FABP7: variants seen among roughly 807,000 people sequenced by gnomAD.
FABP7 encodes fatty acid binding protein 7.
A neutral mutation model predicts 14.2 loss-of-function variants in FABP7; 13 were observed. The observed-to-expected ratio is 0.91, with a 90% CI of 0.59 to 1.45. The LOEUF is 1.45. Among genes scored for constraint, FABP7 ranks in the 40% most tolerant of loss-of-function variants. The pLI, the probability that FABP7 is intolerant of heterozygous loss-of-function variation, is 0.00. For synonymous variants in FABP7, 49 were observed against 51.4 expected (o/e 0.95, Z 0.20); for missense variants, 149 against 157.6 (o/e 0.95, Z 0.29).
chr6:122,758,428 C>A, the FABP7 span, among the ~76,000 whole-genome samples: 5 of 152,166 alleles, frequency 3.3e-5, no homozygotes, highest in Non-Finnish European at 5.9e-5. Context: ...TGTAAAACAA[C>A]TGAGGATATA....
chr6:122,753,867 G>T, the FABP7 span, among the ~76,000 whole-genome samples: 3 of 142,284 alleles, frequency 2.1e-5, no homozygotes, highest in Admixed American at 1.6e-4. Flanking sequence ...CAATCAGTCT[G>T]ATTGGTTGCA....
At chr6:122,778,587 C>T (rs1488736633), upstream of FABP7, among the ~76,000 whole-genome samples, 1 of 152,194 alleles carries the variant, frequency 6.6e-6, no homozygotes, top group African/African-American at 2.4e-5. Flanking sequence ...AAGCTGCTTT[C>T]ATTGCTGGTC....
the FABP7 span, among the ~76,000 whole-genome samples, chr6:122,768,786 A>G: frequency 1.1e-3 from 174 of 152,268 alleles, no homozygotes; most frequent in African/African-American, 4.2e-3. Flanking sequence ...GTATTATATT[A>G]GAAAATACTT....
Position 122,779,780 on chromosome 6 carries a change from G to A in FABP7, c.-15G>A, listed in dbSNP as rs372854485. Reference sequence around the variant, plus strand: ...AGATCCCCGCTCCTGTCTCTAAAGAGGGGAAAGGGCAAGGATGGTGGAGGC... The same window carrying A: ...AGATCCCCGCTCCTGTCTCTAAAGAAGGGAAAGGGCAAGGATGGTGGAGGC... On this transcript the variant is annotated 5_prime_UTR_variant, in exon 1 of 4. Coordinates refer to ENST00000368444, the MANE Select transcript of FABP7 (RefSeq NM_001446.5). The A allele has an allele frequency of 1.9e-6, 3 of 1,613,946 alleles. No individual in the cohort carries two copies. The South Asian group carries it at 3.3e-5, about 18-fold the overall frequency.
At position 122,780,344 on chromosome 6, in the gene FABP7, A is replaced by T. The variant is rs1372084043; in HGVS notation, c.127A>T (p.Ile43Phe). The change falls in exon 2 of 4, where the codon ATC (isoleucine) becomes TTC (phenylalanine). Residue 43 changes from isoleucine to phenylalanine, a missense_variant. Transcript: ENST00000368444. The part of the protein sequence containing the change: ...VGNVTKPTVI[I>F]SQEGDKVVIR... ...AAATGTGACCAAACCAACGGTAATT[A>T]TCAGTCAAGAAGGAGACAAAGTGGT... is the stretch of plus-strand genomic sequence containing the variant. The T allele has an allele frequency of 1.2e-6, 2 of 1,614,158 alleles. No homozygotes were observed. Among genetic ancestry groups the T allele is most frequent in the South Asian group, 1.1e-5 (1 of 91,064 alleles).
At chr6:122,761,878 T>G in the FABP7 span, among the ~76,000 whole-genome samples, 1 of 152,170 alleles carries the variant, frequency 6.6e-6, no homozygotes, top group South Asian at 2.1e-4. Context: ...AAGAAGATGT[T>G]CAAATTGAGG....
the FABP7 span, among the ~76,000 whole-genome samples, chr6:122,757,493 T>G: frequency 5.9e-5 from 9 of 152,148 alleles, 1 homozygote; most frequent in East Asian, 1.7e-3. Flanking sequence ...AGATATTAGA[T>G]GCAATGTCGT....
the FABP7 span, among the ~76,000 whole-genome samples, chr6:122,756,035 T>A: frequency 6.6e-6 from 1 of 152,180 alleles, no homozygotes; most frequent in Admixed American, 6.5e-5. Context: ...GTAATTAACA[T>A]GGCCGCCCCT....
the FABP7 span, among the ~76,000 whole-genome samples, chr6:122,766,195 T>C: frequency 6.6e-6 from 1 of 152,150 alleles, no homozygotes; most frequent in South Asian, 2.1e-4. Flanking sequence ...ATTGCCTACT[T>C]CCCTGAGGCT....
At chr6:122,750,267 C>T in the FABP7 span, among the ~76,000 whole-genome samples, 1 of 151,962 alleles carries the variant, frequency 6.6e-6, no homozygotes, top group Non-Finnish European at 1.5e-5. Flanking sequence ...AGTATTCAAG[C>T]TTTGCATGCA....
chr6:122,775,037 G>A (rs1376113319), upstream of FABP7, among the ~76,000 whole-genome samples: 2 of 152,006 alleles, frequency 1.3e-5, no homozygotes, highest in African/African-American at 2.4e-5. Context: ...GATATTGCAT[G>A]TTCATGAATT....
At position 122,780,311 on chromosome 6, in the gene FABP7, C is replaced by CA. The variant is rs765500978; in HGVS notation, c.95dup (p.Val33GlyfsTer32). 6.2e-7 allele frequency: 1 copy of CA among 1,614,054 alleles called. No individual in the cohort carries two copies. On this transcript the variant is annotated frameshift_variant, in exon 2 of 4. Coordinates refer to ENST00000368444, the MANE Select transcript of FABP7 (RefSeq NM_001446.5). LOFTEE classifies it high-confidence loss of function. ...TTTAGGCGTGGGCTTTGCCACTAGG[C>CA]AGGTGGGAAATGTGACCAAACCAAC...
intron 3 of FABP7, 100 bp downstream of exon 3, chr6:122,781,294 C>T (rs1205498921): frequency 2.6e-6 from 4 of 1,555,150 alleles, no homozygotes; most frequent in African/African-American, 2.7e-5. Context: ...ATTCTTCCTC[C>T]TTCCTTCCTT....
chr6:122,758,124 T>TTTTTTA, the FABP7 span, among the ~76,000 whole-genome samples: 9 of 146,558 alleles, frequency 6.1e-5, no homozygotes, highest in African/African-American at 2.0e-4. Context: ...TTTTTTTTTT[T>TTTTTTA]AATTAACAGA....
At chr6:122,764,019 G>A in the FABP7 span, among the ~76,000 whole-genome samples, 1 of 152,190 alleles carries the variant, frequency 6.6e-6, no homozygotes. Context: ...AATACCATTT[G>A]ACCCAGTGAT....
chr6:122,754,637 G>T, the FABP7 span, among the ~76,000 whole-genome samples: 1 of 124,948 alleles, frequency 8.0e-6, no homozygotes. Context: ...TGGTAACAAT[G>T]GGTGTTTTGT....
upstream of FABP7, chr6:122,779,492 C>G (rs1780726432): frequency 7.4e-6 from 3 of 403,786 alleles, no homozygotes; most frequent in Admixed American, 1.0e-4. Context: ...GGCATAAGGG[C>G]TGTAGTGTGA....
At chr6:122,777,428 T>C (rs1448125453), upstream of FABP7, among the ~76,000 whole-genome samples, 1 of 152,094 alleles carries the variant, frequency 6.6e-6, no homozygotes, top group Non-Finnish European at 1.5e-5. Context: ...CCTGAATTCC[T>C]GGCCATAAAA....
At chr6:122,775,467 T>C (rs562448726), upstream of FABP7, among the ~76,000 whole-genome samples, 2 of 152,196 alleles carry the variant, frequency 1.3e-5, no homozygotes, top group Admixed American at 1.3e-4. Context: ...ACATGCAGAA[T>C]AATGAAACTA....
Sources: allele counts gnomAD v4.1 joint callset (sites outside exome capture counted in the v4.1 genomes callset), GRCh38; gene constraint gnomAD v4.1.1; transcripts MANE v1.5; gene names NCBI Gene and HGNC (gene_info 2026-07-23, HGNC 2026-07-21).